PTPN13: variants seen among roughly 807,000 people sequenced by gnomAD.
PTPN13 encodes protein tyrosine phosphatase non-receptor type 13.
A neutral mutation model predicts 284.0 loss-of-function variants in PTPN13; 191 were observed. That is an observed-to-expected ratio of 0.67 (90% CI 0.60 to 0.76). PTPN13 has a LOEUF of 0.76. Among genes scored for constraint, PTPN13 ranks in the 30% least tolerant of loss-of-function variants. The pLI is 0.00. For missense variants in PTPN13, 2,797 were observed against 2,939.9 expected (o/e 0.95, Z 1.12); for synonymous variants, 986 against 1,022.3 (o/e 0.96, Z 0.68).
intron 6 of PTPN13, among the ~76,000 whole-genome samples, chr4:86,695,331 T>C (rs543770849): frequency 6.6e-6 from 1 of 152,214 alleles, no homozygotes; most frequent in Non-Finnish European, 1.5e-5. Flanking sequence ...AATATTTCCT[T>C]CCTATACTTA....
At chr4:86,670,638 A>G (rs982767997) in intron 2 of PTPN13, among the ~76,000 whole-genome samples, 1 of 152,102 alleles carries the variant, frequency 6.6e-6, no homozygotes, top group African/African-American at 2.4e-5. Context: ...TTGTCTTCCT[A>G]ATTGGTCTCC....
At chr4:86,684,976 G>A (rs758833916) in intron 3 of PTPN13, among the ~76,000 whole-genome samples, 15 of 152,102 alleles carry the variant, frequency 9.9e-5, no homozygotes, top group East Asian at 3.9e-4. Flanking sequence ...CAGCCTCCCC[G>A]TGTGAATTCC....
rs768414796 is a variant in PTPN13, at chr4:86,689,107, G to A, written c.463G>A (p.Ala155Thr). The A allele has an allele frequency of 6.8e-6, 11 of 1,612,218 alleles. No individual in the cohort carries two copies. Among genetic ancestry groups the A allele is most frequent in the Non-Finnish European group, 9.3e-6 (11 of 1,178,426 alleles). Residue 155 changes from alanine to threonine, a missense_variant, in exon 5 of 48, where the codon GCC becomes ACC. Coordinates refer to ENST00000411767, the MANE Select transcript of PTPN13 (RefSeq NM_080683.3). ...TCGGACTGTGCTGGATGCTTGCAGTGCCCACATTAGGAATAGCAATTGTGC... is the reference window on the plus strand; with the variant it reads ...TCGGACTGTGCTGGATGCTTGCAGTACCCACATTAGGAATAGCAATTGTGC... ...SVRTVLDACS[A>T]HIRNSNCAPS...
rs567801088 is a variant in PTPN13 at position 86,721,208 on chromosome 4, G to A, written c.1386-1004G>A. On this transcript the variant is annotated intron_variant, in intron 9 of 47. Coordinates refer to ENST00000411767, the MANE Select transcript of PTPN13 (RefSeq NM_080683.3). ...TGCTGTAAAATAATTTTAGCTAAAA[G>A]ACTGTAATATTTTATGAAAATAACA... Among the ~76,000 whole-genome samples the A allele has an allele frequency of 2.6e-3, 400 of 152,056 alleles. 2 individuals are homozygous for A. Among genetic ancestry groups the A allele is most frequent in the African/African-American group, 9.2e-3 (380 of 41,464 alleles).
intron 15 of PTPN13, among the ~76,000 whole-genome samples, chr4:86,737,310 T>C (rs184669718): frequency 1.3e-5 from 2 of 151,794 alleles, no homozygotes; most frequent in African/African-American, 4.8e-5. Context: ...TATAAAAATA[T>C]GTATACAGTT....
chr4:86,806,861 A>C (rs533190105), intron 44 of PTPN13, among the ~76,000 whole-genome samples: 25 of 152,226 alleles, frequency 1.6e-4, no homozygotes, highest in Non-Finnish European at 3.2e-4. Flanking sequence ...AATCTTAGAC[A>C]ATATAACCTC....
intron 36 of PTPN13, among the ~76,000 whole-genome samples, chr4:86,781,434 A>C (rs1464049355): frequency 6.6e-6 from 1 of 152,238 alleles, no homozygotes; most frequent in Non-Finnish European, 1.5e-5. Flanking sequence ...TAAGAATTAA[A>C]ATTAACATTT....
chr4:86,647,668 T>G lies in PTPN13; in HGVS notation c.115+12297T>G, dbSNP rs149874095. On this transcript the variant is annotated intron_variant, in intron 2 of 47. Coordinates refer to ENST00000411767, the MANE Select transcript of PTPN13 (RefSeq NM_080683.3). ...CCCTAATAACCTCCAAATAGGACTG[T>G]ATCAAAGATAGGGTTTTCAAAGACC... 1.6e-3 allele frequency among the ~76,000 whole-genome samples: 240 copies of G among 152,254 alleles called. 2 individuals carry two copies. Among genetic ancestry groups the G allele is most frequent in the African/African-American group, 5.6e-3 (231 of 41,564 alleles).
chr4:86,710,629 A>G (rs1732284573), intron 7 of PTPN13, among the ~76,000 whole-genome samples: 1 of 152,208 alleles, frequency 6.6e-6, no homozygotes, highest in Non-Finnish European at 1.5e-5. Context: ...AAGTGGTGGT[A>G]GAAATTGAGA....
At position 86,634,505 on chromosome 4, in the gene PTPN13, C is replaced by T. The variant is rs536829748; in HGVS notation, c.-5-747C>T. Among the ~76,000 whole-genome samples, 8 of 152,258 alleles carry T rather than the reference C, an allele frequency of 5.3e-5. No homozygotes were observed. The South Asian group carries it at 1.7e-3, about 32-fold the overall frequency. On this transcript the variant is annotated intron_variant, in intron 1 of 47. Coordinates refer to ENST00000411767, the MANE Select transcript of PTPN13 (RefSeq NM_080683.3). ...CCTGACAAAAATTTCAGCACAGACA[C>T]TTATCTGATCTTTTATTAATTCACC...
chr4:86,690,478 G>A (rs535187298), intron 5 of PTPN13, among the ~76,000 whole-genome samples: 3 of 152,044 alleles, frequency 2.0e-5, no homozygotes, highest in Non-Finnish European at 2.9e-5. Flanking sequence ...AAGAAGAATA[G>A]GCATGTAAAT....
chr4:86,666,387 G>GCTCTCTCTT (rs549822813), intron 2 of PTPN13, among the ~76,000 whole-genome samples: 175 of 152,166 alleles, frequency 1.2e-3, no homozygotes, highest in African/African-American at 3.4e-3. Context: ...AGAAAGAACA[G>GCTCTCTCTT]CTCTCTCTTC....
chr4:86,646,728 A>G (rs190136989), intron 2 of PTPN13, among the ~76,000 whole-genome samples: 10 of 152,368 alleles, frequency 6.6e-5, no homozygotes, highest in African/African-American at 9.6e-5. Flanking sequence ...CTTAAAAGAG[A>G]TGAAACTGTG....
intron 2 of PTPN13, among the ~76,000 whole-genome samples, chr4:86,649,233 C>T (rs1724804756): frequency 6.6e-6 from 1 of 152,070 alleles, no homozygotes; most frequent in Admixed American, 6.6e-5. Context: ...CCTATTTGTT[C>T]AATTTTGCTA....
At chr4:86,721,780 C>G (rs1733691708) in intron 9 of PTPN13, among the ~76,000 whole-genome samples, 2 of 141,126 alleles carry the variant, frequency 1.4e-5, no homozygotes, top group African/African-American at 5.1e-5. Context: ...CTTCTGTCAC[C>G]CAGGATGGAG....
chr4:86,707,254 A>G (rs1731874506), intron 7 of PTPN13, among the ~76,000 whole-genome samples: 1 of 152,232 alleles, frequency 6.6e-6, no homozygotes, highest in Non-Finnish European at 1.5e-5. Flanking sequence ...AACAGATACA[A>G]CTAATTTCTA....
chr4:86,782,535 T>G (rs1299759314), intron 37 of PTPN13, among the ~76,000 whole-genome samples: 1 of 152,198 alleles, frequency 6.6e-6, no homozygotes, highest in Admixed American at 6.5e-5. Context: ...GAGATTTTTC[T>G]TATTAATGTG....
At chr4:86,633,686 T>C (rs1722711415) in intron 1 of PTPN13, among the ~76,000 whole-genome samples, 1 of 152,256 alleles carries the variant, frequency 6.6e-6, no homozygotes, top group African/African-American at 2.4e-5. Context: ...ACAAGTCATG[T>C]TGGTATCTGA....
chr4:86,760,715 G>T (rs562974772), intron 23 of PTPN13, among the ~76,000 whole-genome samples: 1 of 152,076 alleles, frequency 6.6e-6, no homozygotes, highest in Non-Finnish European at 1.5e-5. Context: ...CTTCTCAGCA[G>T]AGTTTTGTGT....
Sources: gnomAD v4.1 joint callset for allele counts (sites outside exome capture counted in the v4.1 genomes callset) on GRCh38, gnomAD v4.1.1 for gene constraint, MANE v1.5 for transcripts, NCBI Gene and HGNC (gene_info 2026-07-23, HGNC 2026-07-21) for gene names.